SCUBE2: variants seen among roughly 807,000 people sequenced by gnomAD.
SCUBE2 encodes the protein signal peptide, CUB and EGF-like domain-containing protein 2.
A neutral mutation model predicts 125.9 loss-of-function variants in SCUBE2; 114 were observed. That is an observed-to-expected ratio of 0.91 (90% CI 0.78 to 1.06). SCUBE2 has a LOEUF of 1.06. Ranked by LOEUF, SCUBE2 falls within the 50% of genes least tolerant of loss-of-function variation. The pLI is 0.00. For synonymous variants in SCUBE2, 459 were observed against 492.9 expected, an observed-to-expected ratio of 0.93 and a Z score of 0.91; for missense variants, 1,255 against 1,301.8, an observed-to-expected ratio of 0.96 and a Z score of 0.55.
chr11:9,045,610 GACACACACACACACAC>G (rs72142315), intron 16 of SCUBE2, among the ~76,000 whole-genome samples: 8 of 99,148 alleles, frequency 8.1e-5, no homozygotes, highest in African/African-American at 2.1e-4. Flanking sequence ...CAGACAGACA[GACACACACACACACAC>G]ACACACACAC....
chr11:9,046,516 C>A (rs1391725463), intron 16 of SCUBE2, among the ~76,000 whole-genome samples: 1 of 152,124 alleles, frequency 6.6e-6, no homozygotes, highest in Non-Finnish European at 1.5e-5. Context: ...TGAGGCCTAA[C>A]CCCAACAGGA....
rs1446048472 is a variant in SCUBE2 at position 9,019,618 on chromosome 11, A to T, written c.*1427T>A. The stretch of plus-strand genomic sequence containing the variant: ...TTTGATTAGGACTTTTTAAGAATCA[A>T]TGTTATTAACAGGTTAAAAAAAGCA... On this transcript the variant is annotated 3_prime_UTR_variant, in exon 23 of 23. Transcript: ENST00000649792. Among the ~76,000 whole-genome samples the T allele has an allele frequency of 6.6e-6, 1 of 152,124 alleles. No individual in the cohort carries two copies. Among genetic ancestry groups the T allele is most frequent in the Non-Finnish European group, 1.5e-5 (1 of 68,024 alleles).
chr11:9,088,076 G>C (rs1862267804), intron 2 of SCUBE2, among the ~76,000 whole-genome samples: 1 of 152,234 alleles, frequency 6.6e-6, no homozygotes, highest in African/African-American at 2.4e-5. Flanking sequence ...ATTATATACT[G>C]TTCCAATATT....
Position 9,066,740 on chromosome 11 carries a change from G to T in SCUBE2, c.717C>A (p.Cys239Ter). 6.2e-7 allele frequency: 1 copy of T among 1,614,154 alleles called. No homozygotes were observed. The highest frequency in any genetic ancestry group is 1.3e-5 in the African/African-American group (1 of 75,066). ...DDTADGPECS[C>*]HPQYKMHTDG... The stretch of plus-strand genomic sequence containing the variant: ...CTGTGTGCATCTTGTACTGTGGATG[G>T]CAGCTGCACTCTGGGCCATCGGCTG... The change falls in exon 6 of 23, where the codon TGC becomes TGA. Residue 239 changes from cysteine (C) to a stop codon, truncating the protein, a stop_gained. Transcript: ENST00000649792. LOFTEE classifies it high-confidence loss of function.
chr11:9,038,722 A>G (rs1389776976), intron 16 of SCUBE2, among the ~76,000 whole-genome samples: 1 of 152,232 alleles, frequency 6.6e-6, no homozygotes, highest in East Asian at 1.9e-4. Context: ...GGAACACAGC[A>G]TAAGGGGGTA....
chr11:9,056,790 T>C (rs1345913646), intron 9 of SCUBE2, among the ~76,000 whole-genome samples: 1 of 152,202 alleles, frequency 6.6e-6, no homozygotes, highest in East Asian at 1.9e-4. Flanking sequence ...TGTCTCCAAA[T>C]GGATAAACCA....
chr11:9,079,590 A>G, intron 2 of SCUBE2, 81 bp from the exon 3 acceptor site: 1 of 1,416,670 alleles, frequency 7.1e-7, no homozygotes. Context: ...CAGCCATTCC[A>G]CTTCTAGGAA....
At chr11:9,029,372 T>C (rs1856074838) in intron 19 of SCUBE2, among the ~76,000 whole-genome samples, 1 of 152,148 alleles carries the variant, frequency 6.6e-6, no homozygotes, top group Non-Finnish European at 1.5e-5. Flanking sequence ...AGCTGCTCTC[T>C]CAAACATAAG....
rs760199894 is a variant in SCUBE2, at chr11:9,079,642, G to A, written c.257-133C>T. On this transcript the variant is annotated intron_variant, in intron 2 of 22. Coordinates refer to ENST00000649792, the MANE Select transcript of SCUBE2 (RefSeq NM_001367977.2). ...TCCCTAACAATAGGAAAACAAATAC[G>A]CACAAGGTTATTCACTGCAGTGTTG... The A allele has an allele frequency of 1.0e-4, 91 of 894,582 alleles. No homozygotes were observed. In the Admixed American group the frequency reaches 1.3e-3, roughly 13 times the overall value. The allele number at this position is 894,582 out of a possible 1,614,324, so 55.4% of individuals were successfully genotyped here. A position where few individuals can be genotyped will look rare whatever the true frequency, so the allele number is the denominator to read the frequency against.
chr11:9,067,853 G>C (rs1269449790), intron 5 of SCUBE2, among the ~76,000 whole-genome samples: 1 of 146,892 alleles, frequency 6.8e-6, no homozygotes, highest in Non-Finnish European at 1.5e-5. Flanking sequence ...AAGCTTACAG[G>C]TGCCCACCCC....
intron 1 of SCUBE2, among the ~76,000 whole-genome samples, chr11:9,090,838 G>A (rs1336942819): frequency 6.6e-6 from 1 of 152,202 alleles, no homozygotes; most frequent in East Asian, 1.9e-4. Context: ...AGCACAGCAC[G>A]TCCAGAGTCC....
intron 7 of SCUBE2, among the ~76,000 whole-genome samples, chr11:9,064,078 T>C (rs1043221027): frequency 6.6e-6 from 1 of 152,164 alleles, no homozygotes; most frequent in African/African-American, 2.4e-5. Context: ...GTCAGGTGTG[T>C]GTGTGTGTGT....
At chr11:9,048,245 A>C (rs188212948) in intron 14 of SCUBE2, 147 bp from the exon 15 acceptor site, 61 of 700,786 alleles carry the variant, frequency 8.7e-5, no homozygotes, top group Non-Finnish European at 1.3e-4. Flanking sequence ...CAAGCCCTTA[A>C]CTTGGAGCAC....
intron 17 of SCUBE2, 138 bp downstream of exon 17, chr11:9,033,488 G>T: frequency 1.1e-6 from 1 of 921,436 alleles, no homozygotes; most frequent in Non-Finnish European, 1.7e-6. Flanking sequence ...GTGAGCCAAA[G>T]ATGAATCGAG....
intron 1 of SCUBE2, chr11:9,090,167 G>C: frequency 5.3e-6 from 1 of 187,116 alleles, no homozygotes; most frequent in Non-Finnish European, 1.1e-5. Context: ...AGGCAGGGTT[G>C]TCACTGTTTT....
chr11:9,051,499 C>T (rs1047502760), intron 13 of SCUBE2, among the ~76,000 whole-genome samples: 2 of 152,154 alleles, frequency 1.3e-5, no homozygotes, highest in Non-Finnish European at 2.9e-5. Flanking sequence ...TGGCTAGGCT[C>T]TGAGGTCTGA....
At position 9,020,838 on chromosome 11, in the gene SCUBE2, C is replaced by T. The variant is rs1428683996; in HGVS notation, c.*207G>A. On this transcript the variant is annotated 3_prime_UTR_variant, in exon 23 of 23. Transcript: ENST00000649792. The stretch of plus-strand genomic sequence containing the variant: ...AGTGAGAAGCTGATGCCACTCAAAG[C>T]CATTCTCAGTCTACATCCACGATGC... 3.8e-5 allele frequency: 18 copies of T among 471,348 alleles called. No individual in the cohort carries two copies. Among genetic ancestry groups the T allele is most frequent in the Non-Finnish European group, 1.1e-5 (3 of 267,082 alleles). 29.2% of individuals were successfully genotyped at this position (471,348 alleles called of 1,614,324 possible).
At chr11:9,048,699 G>T (rs960528589) in intron 14 of SCUBE2, among the ~76,000 whole-genome samples, 4 of 152,196 alleles carry the variant, frequency 2.6e-5, no homozygotes, top group Non-Finnish European at 5.9e-5. Context: ...TGGAAGTGTT[G>T]CATGACAGGG....
chr11:9,040,859 A>C (rs1338844862), intron 16 of SCUBE2, among the ~76,000 whole-genome samples: 2 of 152,196 alleles, frequency 1.3e-5, no homozygotes, highest in Non-Finnish European at 2.9e-5. Flanking sequence ...TTATTTCTGG[A>C]ATTTTCCATT....
Sources: gnomAD v4.1 joint callset for allele counts (sites outside exome capture counted in the v4.1 genomes callset) on GRCh38, gnomAD v4.1.1 for gene constraint, MANE v1.5 for transcripts, NCBI Gene and HGNC (gene_info 2026-07-23, HGNC 2026-07-21) for gene names.